Variants in INTS3 observed in about 807,000 individuals in gnomAD.
INTS3 encodes SOSS complex subunit A.
INTS3 carries 34 observed loss-of-function variants against 146.3 expected under a neutral mutation model. That is an observed-to-expected ratio of 0.23 (90% CI 0.18 to 0.31). The LOEUF (loss-of-function observed/expected upper bound fraction) is 0.31, where lower values mean the gene tolerates loss of function less well. Among genes scored for constraint, INTS3 ranks in the 10% least tolerant of loss-of-function variants. The pLI is 1.00. For synonymous variants in INTS3, 475 were observed against 494.9 expected (o/e 0.96, Z 0.53); for missense variants, 757 against 1,304.2 (o/e 0.58, Z 6.46).
intron 25 of INTS3, among the ~76,000 whole-genome samples, chr1:153,771,127 C>G (rs1672841748): frequency 1.3e-5 from 2 of 152,114 alleles, no homozygotes; most frequent in South Asian, 2.1e-4. Context: ...GCACCATCCT[C>G]TCCCTCACCC....
intron 8 of INTS3, among the ~76,000 whole-genome samples, chr1:153,753,421 G>A (rs973552863): frequency 1.3e-5 from 2 of 151,750 alleles, no homozygotes; most frequent in Non-Finnish European, 2.9e-5. Context: ...GCTGGGCATG[G>A]TGGCACATGC....
chr1:153,773,164 C>T lies in INTS3; in HGVS notation c.3052-29C>T, dbSNP rs371897866. 2.9e-5 allele frequency: 47 copies of T among 1,613,876 alleles called. No homozygotes were observed. In the African/African-American group the frequency reaches 5.1e-4, roughly 17 times the overall value. On this transcript the variant is annotated intron_variant, in intron 29 of 29. Coordinates refer to ENST00000318967, the MANE Select transcript of INTS3 (RefSeq NM_023015.5). ...CGCCAGCAGCTGCCCAGGCTGTTAA[C>T]TTCCCATTTCCCCTCCCATCTCTTC... is the stretch of plus-strand genomic sequence containing the variant.
chr1:153,762,425 CAA>C (rs1270784710), intron 14 of INTS3, among the ~76,000 whole-genome samples: 1 of 152,212 alleles, frequency 6.6e-6, no homozygotes, highest in Non-Finnish European at 1.5e-5. Flanking sequence ...GCCCAGGCGA[CAA>C]GAGTGAGACT....
At chr1:153,759,016 T>A (rs1044880550) in intron 10 of INTS3, among the ~76,000 whole-genome samples, 2 of 151,598 alleles carry the variant, frequency 1.3e-5, no homozygotes, top group Admixed American at 1.3e-4. Flanking sequence ...CCAAGGAGGC[T>A]GAGGCTGGGA....
chr1:153,770,328 G>T lies in INTS3; in HGVS notation c.2503+17G>T. On this transcript the variant is annotated intron_variant, in intron 24 of 29. Transcript: ENST00000318967. ...AATACAAGGGTGAGTAGGCTTTTGG[G>T]TAGGGAGCACATCAGATATGACACT... 5 of 1,449,194 alleles carry T rather than the reference G, an allele frequency of 3.5e-6. No individual in the cohort carries two copies. The highest frequency in any genetic ancestry group is 4.9e-6 in the Non-Finnish European group (5 of 1,029,584). The allele number at this position is 1,449,194 out of a possible 1,614,324, so 89.8% of individuals were successfully genotyped here.
intron 3 of INTS3, among the ~76,000 whole-genome samples, chr1:153,745,620 CCTCCAGGAGTCTGGT>C (rs1270895074): frequency 6.6e-6 from 1 of 151,052 alleles, no homozygotes; most frequent in East Asian, 1.9e-4. Context: ...CTAAGGTATT[CCTCCAGGAGTCTGGT>C]CTCACAATAG....
At chr1:153,759,431 A>T (rs1672291617) in intron 10 of INTS3, 95 bp from the exon 11 acceptor site, 1 of 831,358 alleles carries the variant, frequency 1.2e-6, no homozygotes, top group Admixed American at 1.8e-5. Flanking sequence ...CATAGATGAA[A>T]CAGCCAAGTG....
chr1:153,753,655 C>CTT (rs1156512014), intron 8 of INTS3: 27 of 133,956 alleles, frequency 2.0e-4, no homozygotes, highest in African/African-American at 3.0e-4. Flanking sequence ...AGGCAGGTCT[C>CTT]TTTTTTTTTT....
At chr1:153,747,165 C>A in intron 4 of INTS3, 95 bp downstream of exon 4, 1 of 1,255,374 alleles carries the variant, frequency 8.0e-7, no homozygotes, top group Non-Finnish European at 1.2e-6. Context: ...GGCTAACACA[C>A]CCCTATCATT....
At chr1:153,770,055 TGGG>T (rs370313990) in intron 23 of INTS3, 140 bp from the exon 24 acceptor site, 1 of 510,082 alleles carries the variant, frequency 2.0e-6, no homozygotes. Flanking sequence ...GTCAGTGGAT[TGGG>T]GTGTGTGTGT....
rs1479930436 is a variant in INTS3, at chr1:153,748,868, A to G, written c.584+113A>G. Reference sequence around the variant, plus strand: ...GGCCCAAGAACACCTTAAGTTAGAGAGGGGGAGGCAAGGAGAGGGAGAGAC... The same window carrying G: ...GGCCCAAGAACACCTTAAGTTAGAGGGGGGGAGGCAAGGAGAGGGAGAGAC... On this transcript the variant is annotated intron_variant, in intron 6 of 29. Transcript: ENST00000318967. The G allele has an allele frequency of 4.8e-5, 41 of 848,054 alleles. No homozygotes were observed. In the East Asian group the frequency reaches 1.0e-3, roughly 21 times the overall value. The allele number at this position is 848,054 out of a possible 1,614,324, so 52.5% of individuals were successfully genotyped here. A position where few individuals can be genotyped will look rare whatever the true frequency, so the allele number is the denominator to read the frequency against.
In INTS3 at chr1:153,762,822, C is replaced by T. The variant is rs765513915; in HGVS notation, c.1611C>T (p.Asp537=). ...ACAATGCAGAGGCAGCCTTCAGTGA[C>T]GATGAAGAGGATCTCAACAGCAAAG... The part of the protein sequence containing the change: ...CYDNAEAAFS[D]DEEDLNSKGK... Residue 537 remains aspartate (D), a synonymous_variant, in exon 15 of 30, where the codon GAC becomes GAT. Coordinates refer to ENST00000318967, the MANE Select transcript of INTS3 (RefSeq NM_023015.5). 28 of 1,613,992 alleles carry T rather than the reference C, an allele frequency of 1.7e-5. No homozygotes were observed. The highest frequency in any genetic ancestry group is 2.2e-5 in the Non-Finnish European group (26 of 1,180,024).
intron 20 of INTS3, among the ~76,000 whole-genome samples, chr1:153,766,225 G>A (rs1191370816): frequency 6.8e-6 from 1 of 147,106 alleles, no homozygotes; most frequent in East Asian, 2.0e-4. Flanking sequence ...AGGTTCAAGC[G>A]ATTCTCCTGC....
chr1:153,760,116 C>T, intron 11 of INTS3, 195 bp from the exon 12 acceptor site: 1 of 590,100 alleles, frequency 1.7e-6, no homozygotes, highest in Non-Finnish European at 3.0e-6. Flanking sequence ...CCTGTAATTC[C>T]AGCTGCTGGG....
chr1:153,735,975 A>G (rs1425489421), intron 1 of INTS3, among the ~76,000 whole-genome samples: 1 of 152,062 alleles, frequency 6.6e-6, no homozygotes, highest in Non-Finnish European at 1.5e-5. Flanking sequence ...CAGGTGATCT[A>G]CCTGCCTCGA....
chr1:153,758,680 G>A (rs1330930175), intron 10 of INTS3, among the ~76,000 whole-genome samples: 2 of 151,566 alleles, frequency 1.3e-5, no homozygotes, highest in African/African-American at 4.9e-5. Context: ...GTGTTGGTGT[G>A]CGGCTGTAGT....
chr1:153,734,796 T>C (rs561658626), intron 1 of INTS3, among the ~76,000 whole-genome samples: 11 of 152,258 alleles, frequency 7.2e-5, no homozygotes, highest in South Asian at 2.1e-4. Context: ...AGAGAGTAGA[T>C]AGGAGAGAAA....
chr1:153,748,636 G>A (rs201260005), intron 5 of INTS3, 53 bp from the exon 6 acceptor site: 32 of 1,442,772 alleles, frequency 2.2e-5, no homozygotes, highest in South Asian at 1.5e-4. Context: ...AGATGTATTG[G>A]ATTGGCTGAC....
chr1:153,754,814 A>G (rs759795075), intron 9 of INTS3, 75 bp downstream of exon 9: 27 of 910,838 alleles, frequency 3.0e-5, no homozygotes, highest in Middle Eastern at 2.2e-4. Context: ...TGGAGCTGTT[A>G]CCATTGTTTA....
Sources: gnomAD v4.1 joint callset for allele counts (sites outside exome capture counted in the v4.1 genomes callset) on GRCh38, gnomAD v4.1.1 for gene constraint, MANE v1.5 for transcripts, NCBI Gene and HGNC (gene_info 2026-07-23, HGNC 2026-07-21) for gene names.